The following RUNDC3B variants were observed in gnomAD, a reference collection of about 807,000 sequenced individuals.
RUNDC3B encodes RUN domain containing 3B, also known as RUN domain-containing protein 3B.
RUNDC3B carries 33 observed loss-of-function variants against 58.4 expected under a neutral mutation model. The ratio of observed to expected loss-of-function variants is 0.56; its 90% CI spans 0.43 to 0.75. The LOEUF (loss-of-function observed/expected upper bound fraction) is 0.75, where lower values mean the gene tolerates loss of function less well. RUNDC3B is among the 30% of genes least tolerant of loss of function. The pLI, the probability that RUNDC3B is intolerant of heterozygous loss-of-function variation, is 0.00. For synonymous variants in RUNDC3B, 193 were observed against 195.2 expected (o/e 0.99, Z 0.10); for missense variants, 501 against 535.7 (o/e 0.94, Z 0.64).
intron 1 of RUNDC3B, chr7:87,629,239 G>C: frequency 3.1e-6 from 1 of 320,454 alleles, no homozygotes; most frequent in Non-Finnish European, 5.7e-6. Context: ...CAGAGTGAAA[G>C]AGGAGGGCAA....
chr7:87,651,020 T>G (rs952271601), intron 2 of RUNDC3B, 83 bp downstream of exon 2: 1 of 759,480 alleles, frequency 1.3e-6, no homozygotes, highest in Non-Finnish European at 2.2e-6. Flanking sequence ...ACAGTCTGTG[T>G]GACTTAGATA....
At chr7:87,725,064 G>A (rs1244866205) in intron 4 of RUNDC3B, among the ~76,000 whole-genome samples, 1 of 151,994 alleles carries the variant, frequency 6.6e-6, no homozygotes, top group Non-Finnish European at 1.5e-5. Flanking sequence ...ATAAGCCCTT[G>A]AAGTAAATAT....
intron 2 of RUNDC3B, among the ~76,000 whole-genome samples, chr7:87,655,052 T>C (rs746572667): frequency 6.6e-6 from 1 of 151,998 alleles, no homozygotes; most frequent in Non-Finnish European, 1.5e-5. Context: ...GGAGAAGATG[T>C]GGAGAAAAGG....
intron 4 of RUNDC3B, among the ~76,000 whole-genome samples, chr7:87,726,201 C>T (rs537216019): frequency 6.6e-6 from 1 of 152,252 alleles, no homozygotes; most frequent in African/African-American, 2.4e-5. Flanking sequence ...CCTAGGTTTT[C>T]CTCTAGGGTT....
chr7:87,770,509 C>A, intron 6 of RUNDC3B, 72 bp from the exon 7 acceptor site: 4 of 1,197,396 alleles, frequency 3.3e-6, no homozygotes, highest in Non-Finnish European at 4.7e-6. Flanking sequence ...CCGTAGCTTG[C>A]AAATGTAAAA....
At chr7:87,645,942 A>G (rs1822959063) in intron 1 of RUNDC3B, among the ~76,000 whole-genome samples, 4 of 152,170 alleles carry the variant, frequency 2.6e-5, no homozygotes, top group South Asian at 4.1e-4. Context: ...AAGCTGGAGA[A>G]CATTATTTTT....
chr7:87,682,777 A>G (rs1463178662), intron 2 of RUNDC3B, among the ~76,000 whole-genome samples: 1 of 152,160 alleles, frequency 6.6e-6, no homozygotes, highest in East Asian at 1.9e-4. Context: ...ATTTTTTGGA[A>G]TGGTAAATAA....
At chr7:87,652,514 G>C (rs1228292811) in intron 2 of RUNDC3B, among the ~76,000 whole-genome samples, 1 of 151,636 alleles carries the variant, frequency 6.6e-6, no homozygotes, top group Non-Finnish European at 1.5e-5. Flanking sequence ...AATTCTACTT[G>C]TGTGACTAAG....
intron 8 of RUNDC3B, among the ~76,000 whole-genome samples, chr7:87,787,123 T>A (rs1414249359): frequency 1.3e-5 from 2 of 152,174 alleles, no homozygotes; most frequent in African/African-American, 4.8e-5. Flanking sequence ...AACAGGAGCA[T>A]AAGATACATT....
At chr7:87,670,139 C>G (rs558164008) in intron 2 of RUNDC3B, among the ~76,000 whole-genome samples, 1 of 152,270 alleles carries the variant, frequency 6.6e-6, no homozygotes, top group East Asian at 1.9e-4. Context: ...TTACATGATC[C>G]AATACTTCTC....
At chr7:87,675,141 G>A (rs1826198125) in intron 2 of RUNDC3B, among the ~76,000 whole-genome samples, 1 of 152,162 alleles carries the variant, frequency 6.6e-6, no homozygotes, top group Admixed American at 6.5e-5. Flanking sequence ...GATGCTGGGG[G>A]CTAGGAACAA....
At chr7:87,821,223 ACAAG>A (rs1837409483) in intron 10 of RUNDC3B, among the ~76,000 whole-genome samples, 1 of 152,218 alleles carries the variant, frequency 6.6e-6, no homozygotes, top group African/African-American at 2.4e-5. Flanking sequence ...TACAAAACTC[ACAAG>A]CATTCTTATA....
At chr7:87,788,045 A>G (rs1363659596) in intron 8 of RUNDC3B, among the ~76,000 whole-genome samples, 1 of 152,218 alleles carries the variant, frequency 6.6e-6, no homozygotes, top group Non-Finnish European at 1.5e-5. Context: ...TTGTAACTGT[A>G]ATTCTTTTTG....
intron 4 of RUNDC3B, among the ~76,000 whole-genome samples, chr7:87,735,963 A>G (rs1039836286): frequency 3.3e-5 from 5 of 152,204 alleles, no homozygotes; most frequent in Non-Finnish European, 5.9e-5. Context: ...AAGGAATTTA[A>G]TAAATATTTG....
chr7:87,653,815 C>T (rs969949513), intron 2 of RUNDC3B, among the ~76,000 whole-genome samples: 2 of 151,810 alleles, frequency 1.3e-5, no homozygotes, highest in Admixed American at 6.6e-5. Flanking sequence ...TCTGGCTTAC[C>T]ACTGATTTGT....
At chr7:87,745,553 T>G (rs114137957) in intron 6 of RUNDC3B, among the ~76,000 whole-genome samples, 4,823 of 152,246 alleles carry the variant, frequency 0.032, 134 homozygotes, top group African/African-American at 0.076. Context: ...GGTTGTATTT[T>G]TCCATGAATT....
chr7:87,636,563 G>T (rs1211894423), intron 1 of RUNDC3B, among the ~76,000 whole-genome samples: 1 of 152,138 alleles, frequency 6.6e-6, no homozygotes, highest in African/African-American at 2.4e-5. Flanking sequence ...ATTTCTGATT[G>T]TAAAATGGCC....
chr7:87,725,971 T>A (rs1238541615), intron 4 of RUNDC3B, among the ~76,000 whole-genome samples: 2 of 152,156 alleles, frequency 1.3e-5, no homozygotes, highest in Non-Finnish European at 2.9e-5. Flanking sequence ...GCCTGAGTTC[T>A]TTGTAGATTC....
chr7:87,679,667 A>G (rs753188586), intron 2 of RUNDC3B, among the ~76,000 whole-genome samples: 14 of 150,328 alleles, frequency 9.3e-5, no homozygotes, highest in Non-Finnish European at 1.8e-4. Context: ...TGAGATTACA[A>G]GTGTGAACCA....
Sources: allele counts gnomAD v4.1 joint callset (sites outside exome capture counted in the v4.1 genomes callset), GRCh38; gene constraint gnomAD v4.1.1; transcripts MANE v1.5; gene names NCBI Gene and HGNC (gene_info 2026-07-23, HGNC 2026-07-21).